Variants in NGLY1 observed in about 807,000 individuals in gnomAD.
NGLY1 encodes N-glycanase 1, also known as peptide-N(4)-(N-acetyl-beta-glucosaminyl)asparagine amidase.
NGLY1 carries 68 observed loss-of-function variants against 84.6 expected under a neutral mutation model. That is an observed-to-expected ratio of 0.80 (90% CI 0.66 to 0.98). The LOEUF (loss-of-function observed/expected upper bound fraction) is 0.98, where lower values mean the gene tolerates loss of function less well. NGLY1 is among the 50% of genes least tolerant of loss of function. The pLI, the probability that NGLY1 is intolerant of heterozygous loss-of-function variation, is 0.00. For synonymous variants in NGLY1, 280 were observed against 275.2 expected, an observed-to-expected ratio of 1.02 and a Z score of -0.17; for missense variants, 779 against 770.2, an observed-to-expected ratio of 1.01 and a Z score of -0.14.
chr3:25,741,470 A>T (rs1246212421), intron 4 of NGLY1, among the ~76,000 whole-genome samples: 1 of 151,322 alleles, frequency 6.6e-6, no homozygotes. Flanking sequence ...ATAGTTCATT[A>T]AAAAAAAACT....
chr3:25,741,130 T>TAA (rs376282084), intron 4 of NGLY1, among the ~76,000 whole-genome samples: 18 of 105,620 alleles, frequency 1.7e-4, no homozygotes, highest in Admixed American at 4.1e-4. Flanking sequence ...TCTGTCTCAT[T>TAA]AAAAAAAAAA....
At chr3:25,770,176 G>A (rs1707823944) in intron 2 of NGLY1, among the ~76,000 whole-genome samples, 1 of 152,050 alleles carries the variant, frequency 6.6e-6, no homozygotes, top group Non-Finnish European at 1.5e-5. Flanking sequence ...TTGAGACAGA[G>A]TTTTGCTCTT....
In NGLY1 at chr3:25,778,680, T is replaced by A; in HGVS notation, c.140A>T (p.Asn47Ile). 6.3e-7 allele frequency: 1 copy of A among 1,593,286 alleles called. No homozygotes were observed. Among genetic ancestry groups the A allele is most frequent in the Non-Finnish European group, 8.5e-7 (1 of 1,170,516 alleles). The change falls in exon 2 of 12, where the codon AAT becomes ATT. Residue 47 changes from asparagine to isoleucine, a missense_variant. Transcript: ENST00000280700. ...CCGGATGGATCTATATTTTTCATCA[T>A]TAGGGTTTCTGACAAAAAACAAAAG... The part of the protein sequence containing the change: ...TYADNILRNP[N>I]DEKYRSIRIG...
exon 1 of NGLY1, chr3:25,790,033 G>C: frequency 1.2e-6 from 1 of 824,738 alleles, no homozygotes; most frequent in East Asian, 2.7e-5. Flanking sequence ...CGCGTGCGTG[G>C]GAAAGCGCAT....
intron 10 of NGLY1, among the ~76,000 whole-genome samples, chr3:25,722,228 A>G (rs1253958685): frequency 6.9e-6 from 1 of 145,752 alleles, no homozygotes; most frequent in Non-Finnish European, 1.5e-5. Flanking sequence ...AAAAAAAAAT[A>G]AAAATAAAAA....
chr3:25,750,797 A>G (rs1706698578), intron 4 of NGLY1, among the ~76,000 whole-genome samples: 1 of 152,206 alleles, frequency 6.6e-6, no homozygotes, highest in African/African-American at 2.4e-5. Context: ...TAAGAGCAAA[A>G]GGCACTACAA....
chr3:25,726,195 C>A (rs566353009), intron 10 of NGLY1, among the ~76,000 whole-genome samples: 1 of 152,218 alleles, frequency 6.6e-6, no homozygotes, highest in South Asian at 2.1e-4. Flanking sequence ...CAGTGCTCTA[C>A]ATAGCCCTAG....
intron 9 of NGLY1, 88 bp downstream of exon 9, chr3:25,732,231 G>A (rs1705571841): frequency 8.4e-7 from 1 of 1,193,508 alleles, no homozygotes. Flanking sequence ...AAAGGTCATA[G>A]TCAATGCAGT....
intron 10 of NGLY1, 100 bp from the exon 11 acceptor site, chr3:25,720,291 T>C (rs935255905): frequency 5.9e-6 from 5 of 851,642 alleles, no homozygotes; most frequent in Non-Finnish European, 8.5e-6. Context: ...GGGTAGTATG[T>C]ACAAGTGGTT....
At chr3:25,721,140 G>C (rs1345258843) in intron 10 of NGLY1, among the ~76,000 whole-genome samples, 1 of 152,082 alleles carries the variant, frequency 6.6e-6, no homozygotes, top group Non-Finnish European at 1.5e-5. Context: ...ACCCAGGCTG[G>C]AATGCAGTGG....
intron 2 of NGLY1, among the ~76,000 whole-genome samples, chr3:25,772,293 T>C (rs1707932514): frequency 6.6e-6 from 1 of 152,212 alleles, no homozygotes; most frequent in Non-Finnish European, 1.5e-5. Flanking sequence ...ATTTCTTAGG[T>C]CTAGTAGCAA....
At chr3:25,743,301 A>C (rs1422742911) in intron 4 of NGLY1, among the ~76,000 whole-genome samples, 1 of 152,106 alleles carries the variant, frequency 6.6e-6, no homozygotes, top group African/African-American at 2.4e-5. Flanking sequence ...TAGCCCCAGG[A>C]AACTTAAATA....
At chr3:25,730,816 C>T (rs1258391554) in intron 9 of NGLY1, among the ~76,000 whole-genome samples, 1 of 152,058 alleles carries the variant, frequency 6.6e-6, no homozygotes, top group Non-Finnish European at 1.5e-5. Flanking sequence ...TAGATAAATA[C>T]AACTTTAATT....
intron 10 of NGLY1, among the ~76,000 whole-genome samples, chr3:25,722,858 G>A (rs892929840): frequency 2.0e-5 from 3 of 152,174 alleles, no homozygotes; most frequent in African/African-American, 7.2e-5. Context: ...TTACACACAG[G>A]TTAACTGCTC....
intron 10 of NGLY1, among the ~76,000 whole-genome samples, chr3:25,727,201 TTTC>T (rs1263043115): frequency 6.6e-6 from 1 of 152,200 alleles, no homozygotes; most frequent in Non-Finnish European, 1.5e-5. Context: ...TTCTAGTATT[TTTC>T]TTCATTTGAT....
intron 1 of NGLY1, among the ~76,000 whole-genome samples, chr3:25,778,938 T>C (rs1708280489): frequency 7.9e-6 from 1 of 125,910 alleles, no homozygotes; most frequent in Non-Finnish European, 1.6e-5. Context: ...TTTTTTTTTT[T>C]TTTTTTTTTT....
At chr3:25,769,869 T>C (rs1707811152) in intron 2 of NGLY1, among the ~76,000 whole-genome samples, 1 of 152,154 alleles carries the variant, frequency 6.6e-6, no homozygotes. Context: ...TCTTTAGTGG[T>C]AATTTCTGAG....
At chr3:25,784,078 C>T (rs1462103251), upstream of NGLY1, 1 of 152,164 alleles carries the variant, frequency 6.6e-6, no homozygotes, top group Non-Finnish European at 1.5e-5. Flanking sequence ...TCAGGACGTT[C>T]TACATAGATG....
intron 4 of NGLY1, among the ~76,000 whole-genome samples, chr3:25,742,235 G>C (rs1706184220): frequency 6.6e-6 from 1 of 152,142 alleles, no homozygotes; most frequent in African/African-American, 2.4e-5. Context: ...AGAAATACTT[G>C]TGCATGTGTG....
Sources: gnomAD v4.1 joint callset for allele counts (sites outside exome capture counted in the v4.1 genomes callset) on GRCh38, gnomAD v4.1.1 for gene constraint, MANE v1.5 for transcripts, NCBI Gene and HGNC (gene_info 2026-07-23, HGNC 2026-07-21) for gene names.